SOX6: variants seen among roughly 807,000 people sequenced by gnomAD.
The protein encoded by SOX6 is transcription factor SOX-6.
In SOX6, 11 loss-of-function variants were observed where a neutral mutation model predicts 97.8. That is an observed-to-expected ratio of 0.11 (90% CI 0.07 to 0.19). The LOEUF (loss-of-function observed/expected upper bound fraction) is 0.19. SOX6 is among the 10% of genes least tolerant of loss of function. SOX6 has a pLI of 1.00. For missense variants in SOX6, 810 were observed against 1,039.5 expected (o/e 0.78, Z 3.04); for synonymous variants, 360 against 371.4 (o/e 0.97, Z 0.35).
rs558128322 is a variant in SOX6 at position 16,207,550 on chromosome 11, G to A, written c.536-20595C>T. 4.0e-5 allele frequency among the ~76,000 whole-genome samples: 6 copies of A among 149,474 alleles called. No homozygotes were observed. In the South Asian group the frequency reaches 6.3e-4, roughly 16 times the overall value. ...GCAGAGCTTGCAGTGAGCCGAGATC[G>A]CACCACTGCACCCACCTTGGGCGAC... is the stretch of plus-strand genomic sequence containing the variant. On this transcript the variant is annotated intron_variant, in intron 4 of 15. Transcript: ENST00000683767.
chr11:16,617,795 A>G (rs1275934752), intron 3 of SOX6, among the ~76,000 whole-genome samples: 1 of 151,896 alleles, frequency 6.6e-6, no homozygotes, highest in African/African-American at 2.4e-5. Flanking sequence ...TTAAGAGTAC[A>G]TTCTGAAAAA....
chr11:16,156,468 C>T (rs1850600105), intron 6 of SOX6, among the ~76,000 whole-genome samples: 1 of 151,982 alleles, frequency 6.6e-6, no homozygotes, highest in Non-Finnish European at 1.5e-5. Context: ...GTATTTCTAA[C>T]CCAGACTCCA....
intron 3 of SOX6, among the ~76,000 whole-genome samples, chr11:16,704,179 A>G (rs974342873): frequency 6.6e-6 from 1 of 152,224 alleles, no homozygotes; most frequent in Admixed American, 6.5e-5. Flanking sequence ...ATTGTAATCA[A>G]TTCAGCTAAA....
At chr11:16,202,282 T>C (rs575679543) in intron 4 of SOX6, among the ~76,000 whole-genome samples, 7 of 152,276 alleles carry the variant, frequency 4.6e-5, no homozygotes, top group African/African-American at 1.7e-4. Flanking sequence ...GTTATTAATA[T>C]ACACATAGTG....
At chr11:16,121,803 T>C (rs1355199363) in intron 6 of SOX6, among the ~76,000 whole-genome samples, 1 of 151,970 alleles carries the variant, frequency 6.6e-6, no homozygotes, top group African/African-American at 2.4e-5. Flanking sequence ...AGGAGGGAAA[T>C]AGAATATCCT....
intron 3 of SOX6, among the ~76,000 whole-genome samples, chr11:16,672,095 T>C (rs949725713): frequency 6.6e-6 from 1 of 152,134 alleles, no homozygotes; most frequent in Non-Finnish European, 1.5e-5. Context: ...GATAAGCAAA[T>C]GTTGAGGGAG....
chr11:16,052,508 G>A (rs748228028), intron 10 of SOX6, among the ~76,000 whole-genome samples: 1 of 152,066 alleles, frequency 6.6e-6, no homozygotes, highest in African/African-American at 2.4e-5. Flanking sequence ...GGCTCTAGTT[G>A]CAAGTCTCTT....
chr11:16,326,845 T>C (rs953396715), intron 2 of SOX6, among the ~76,000 whole-genome samples: 2 of 152,200 alleles, frequency 1.3e-5, no homozygotes, highest in Admixed American at 1.3e-4. Context: ...GTTAAGTCAG[T>C]GGCTAAGGCC....
chr11:16,640,563 TATTA>T lies in SOX6; in HGVS notation n.430-28307_430-28304del, dbSNP rs566864277. On this transcript the variant is annotated intron_variant and non_coding_transcript_variant, in intron 3 of 5. Coordinates refer to the SOX6 transcript ENST00000524520. ...CCTGGACTTTTTTTGGTTGGTAAGC[TATTA>T]ATTATAGCCTCAATTTCAGATCCTG... is the stretch of plus-strand genomic sequence containing the variant. Among the ~76,000 whole-genome samples the T allele has an allele frequency of 1.5e-4, 23 of 152,330 alleles. No homozygotes were observed. The East Asian group carries it at 4.4e-3, about 29-fold the overall frequency.
chr11:16,700,718 C>A (rs978292968), intron 3 of SOX6, among the ~76,000 whole-genome samples: 38 of 152,196 alleles, frequency 2.5e-4, no homozygotes, highest in African/African-American at 8.2e-4. Flanking sequence ...GCCCACCAGG[C>A]CCTCTTCTAG....
At chr11:16,201,152 T>A (rs1394274380) in intron 4 of SOX6, among the ~76,000 whole-genome samples, 1 of 151,044 alleles carries the variant, frequency 6.6e-6, no homozygotes, top group Non-Finnish European at 1.5e-5. Flanking sequence ...GATTCCATCA[T>A]GTGAAGTCAT....
intron 3 of SOX6, among the ~76,000 whole-genome samples, chr11:16,653,241 A>G (rs1374967314): frequency 6.6e-6 from 1 of 152,228 alleles, no homozygotes; most frequent in African/African-American, 2.4e-5. Flanking sequence ...TAGATCTACT[A>G]TTTGATCCAG....
intron 6 of SOX6, among the ~76,000 whole-genome samples, chr11:16,178,726 T>C (rs959446694): frequency 6.6e-6 from 1 of 151,926 alleles, no homozygotes; most frequent in Non-Finnish European, 1.5e-5. Context: ...ATCCATTACC[T>C]GATCAATAAC....
intron 4 of SOX6, among the ~76,000 whole-genome samples, chr11:16,602,940 G>C (rs1338829374): frequency 6.6e-6 from 1 of 152,004 alleles, no homozygotes; most frequent in Non-Finnish European, 1.5e-5. Context: ...AGAATCGCTT[G>C]AACCCAGGAG....
intron 4 of SOX6, among the ~76,000 whole-genome samples, chr11:16,560,366 A>C (rs966798652): frequency 1.3e-5 from 2 of 152,138 alleles, no homozygotes; most frequent in Non-Finnish European, 2.9e-5. Context: ...TATGCCTAAA[A>C]TGTAGCAGGT....
chr11:16,519,206 T>G (rs1229970872), intron 4 of SOX6, among the ~76,000 whole-genome samples: 1 of 151,386 alleles, frequency 6.6e-6, no homozygotes, highest in Non-Finnish European at 1.5e-5. Context: ...AAAATCCAAT[T>G]TTTTTTTTAA....
chr11:16,602,855 C>T (rs1848286872), intron 4 of SOX6, among the ~76,000 whole-genome samples: 1 of 151,990 alleles, frequency 6.6e-6, no homozygotes, highest in Non-Finnish European at 1.5e-5. Flanking sequence ...AACCTCATCT[C>T]CACAAAAATA....
chr11:16,107,903 G>T (rs1047201807), intron 7 of SOX6, among the ~76,000 whole-genome samples: 1 of 152,036 alleles, frequency 6.6e-6, no homozygotes, highest in Non-Finnish European at 1.5e-5. Flanking sequence ...CTCAGCTTTT[G>T]GGCCGCATTT....
intron 6 of SOX6, among the ~76,000 whole-genome samples, chr11:16,159,366 C>T (rs1850682818): frequency 6.6e-6 from 1 of 151,992 alleles, no homozygotes; most frequent in Non-Finnish European, 1.5e-5. Flanking sequence ...TTCTACCTAC[C>T]TTATTTCTCA....
Sources: allele counts gnomAD v4.1 joint callset (sites outside exome capture counted in the v4.1 genomes callset), GRCh38; gene constraint gnomAD v4.1.1; transcripts MANE v1.5; gene names NCBI Gene and HGNC (gene_info 2026-07-23, HGNC 2026-07-21).